Variants in RASAL2 observed in about 807,000 individuals in gnomAD.
The protein encoded by RASAL2 is RAS protein activator like 2, also known as ras GTPase-activating protein nGAP.
A neutral mutation model predicts 128.9 loss-of-function variants in RASAL2; 58 were observed. That is an observed-to-expected ratio of 0.45 (90% CI 0.36 to 0.56). RASAL2 has a LOEUF of 0.56. RASAL2 is among the 20% of genes least tolerant of loss of function. The probability of loss-of-function intolerance (pLI) is 0.00; values close to 1 mark genes in which losing one functional copy is unlikely to be tolerated. For synonymous variants in RASAL2, 561 were observed against 580.8 expected (o/e 0.97, Z 0.49); for missense variants, 1,360 against 1,601.6 (o/e 0.85, Z 2.57).
intron 1 of RASAL2, among the ~76,000 whole-genome samples, chr1:178,230,089 G>A (rs528200505): frequency 6.6e-6 from 1 of 151,684 alleles, no homozygotes; most frequent in East Asian, 1.9e-4. Flanking sequence ...GTCTTTTTTT[G>A]GCATAATATC....
At chr1:178,301,320 T>C (rs1667752123) in intron 3 of RASAL2, among the ~76,000 whole-genome samples, 1 of 152,200 alleles carries the variant, frequency 6.6e-6, no homozygotes, top group Non-Finnish European at 1.5e-5. Context: ...GTGTAACCAT[T>C]TTATAGCCTA....
At chr1:178,210,277 A>G (rs1663207719) in intron 1 of RASAL2, among the ~76,000 whole-genome samples, 2 of 152,130 alleles carry the variant, frequency 1.3e-5, no homozygotes, top group African/African-American at 4.8e-5. Context: ...TTATTGTCTT[A>G]TATATTGTAA....
chr1:178,442,076 A>T (rs1197816079), intron 7 of RASAL2, among the ~76,000 whole-genome samples: 2 of 152,088 alleles, frequency 1.3e-5, no homozygotes, highest in Non-Finnish European at 2.9e-5. Context: ...GGAACTCAGT[A>T]TCAGGAAGAT....
intron 5 of RASAL2, among the ~76,000 whole-genome samples, chr1:178,426,291 C>T (rs1234635044): frequency 6.6e-6 from 1 of 152,046 alleles, no homozygotes; most frequent in African/African-American, 2.4e-5. Context: ...ACATGATATA[C>T]CCGTACAATA....
chr1:178,310,971 A>C (rs935427815), intron 3 of RASAL2, among the ~76,000 whole-genome samples: 70 of 152,178 alleles, frequency 4.6e-4, no homozygotes, highest in African/African-American at 1.6e-3. Context: ...AGAGTAGAGT[A>C]CTCCAAAATG....
intron 1 of RASAL2, among the ~76,000 whole-genome samples, chr1:178,169,600 T>G (rs1661636263): frequency 6.6e-6 from 1 of 151,974 alleles, no homozygotes; most frequent in African/African-American, 2.4e-5. Context: ...TTGGTCCTAC[T>G]TGTGTCACGT....
intron 4 of RASAL2, among the ~76,000 whole-genome samples, chr1:178,401,169 T>C (rs980017714): frequency 2.6e-5 from 4 of 152,268 alleles, no homozygotes; most frequent in African/African-American, 7.2e-5. Context: ...ACTGATTTAA[T>C]ATATGGGTGA....
At chr1:178,466,234 T>C (rs1469465906) in intron 16 of RASAL2, 112 bp downstream of exon 16, 7 of 961,040 alleles carry the variant, frequency 7.3e-6, no homozygotes, top group Non-Finnish European at 1.0e-5. Flanking sequence ...CTTGTGGTAC[T>C]GAGTACAAAT....
At chr1:178,253,825 A>G (rs1289555372) in intron 1 of RASAL2, among the ~76,000 whole-genome samples, 1 of 152,112 alleles carries the variant, frequency 6.6e-6, no homozygotes, top group Admixed American at 6.6e-5. Flanking sequence ...TAAGGCAGGA[A>G]CAGGCCATTT....
chr1:178,468,420 G>C (rs185112525), intron 17 of RASAL2, among the ~76,000 whole-genome samples: 168 of 152,266 alleles, frequency 1.1e-3, no homozygotes, highest in African/African-American at 3.3e-3. Context: ...ACATATTTTA[G>C]AGCCCCCAGT....
At chr1:178,321,341 C>T (rs564668548) in intron 3 of RASAL2, among the ~76,000 whole-genome samples, 2 of 152,286 alleles carry the variant, frequency 1.3e-5, no homozygotes, top group South Asian at 2.1e-4. Flanking sequence ...CCACCTCGGC[C>T]TCCCAAAGTG....
chr1:178,296,448 T>G (rs965661393), intron 2 of RASAL2, among the ~76,000 whole-genome samples: 3 of 152,166 alleles, frequency 2.0e-5, no homozygotes, highest in Admixed American at 1.3e-4. Flanking sequence ...CAGCCTTAGA[T>G]TCCTGTGCTT....
At chr1:178,405,237 T>A (rs904925915) in intron 4 of RASAL2, among the ~76,000 whole-genome samples, 11 of 152,182 alleles carry the variant, frequency 7.2e-5, no homozygotes, top group Non-Finnish European at 1.5e-5. Flanking sequence ...TGAAAACACA[T>A]ATGCACAAAG....
At chr1:178,436,317 A>C (rs923842313) in intron 5 of RASAL2, among the ~76,000 whole-genome samples, 1 of 152,096 alleles carries the variant, frequency 6.6e-6, no homozygotes, top group Non-Finnish European at 1.5e-5. Flanking sequence ...ACACACATAA[A>C]AATGCCAAAA....
At chr1:178,446,049 C>G (rs1448499699) in intron 9 of RASAL2, among the ~76,000 whole-genome samples, 1 of 152,164 alleles carries the variant, frequency 6.6e-6, no homozygotes, top group Non-Finnish European at 1.5e-5. Context: ...ATGCAAAACT[C>G]TAATCAAAAG....
intron 1 of RASAL2, among the ~76,000 whole-genome samples, chr1:178,242,030 T>C (rs1442136287): frequency 6.6e-6 from 1 of 152,206 alleles, no homozygotes; most frequent in Non-Finnish European, 1.5e-5. Context: ...TTTCTTGATT[T>C]ATTTATAGTA....
At chr1:178,131,373 A>ATTTTT (rs1660109525) in intron 1 of RASAL2, among the ~76,000 whole-genome samples, 2 of 113,766 alleles carry the variant, frequency 1.8e-5, no homozygotes, top group Non-Finnish European at 3.6e-5. Flanking sequence ...CGCCTGGATA[A>ATTTTT]TCTTTTTTTT....
At chr1:178,341,408 G>A in intron 3 of RASAL2, 8 of 1,410,792 alleles carry the variant, frequency 5.7e-6, no homozygotes, top group East Asian at 2.6e-5. Context: ...GCGGGGTTGG[G>A]GCGAGGATTG....
intron 5 of RASAL2, among the ~76,000 whole-genome samples, chr1:178,429,211 A>T (rs891766504): frequency 2.6e-5 from 4 of 152,076 alleles, no homozygotes; most frequent in Admixed American, 6.6e-5. Flanking sequence ...GTCCGCAGGA[A>T]ACCTCCACAA....
Sources: gnomAD v4.1 joint callset for allele counts (sites outside exome capture counted in the v4.1 genomes callset) on GRCh38, gnomAD v4.1.1 for gene constraint, MANE v1.5 for transcripts, NCBI Gene and HGNC (gene_info 2026-07-23, HGNC 2026-07-21) for gene names.